Variants in SDK2 observed in about 807,000 individuals in gnomAD.
The protein encoded by SDK2 is protein sidekick-2.
Under a neutral mutation model 253.9 loss-of-function variants are expected in SDK2, and 105 were observed. The observed-to-expected ratio is 0.41, with a 90% confidence interval of 0.35 to 0.49. SDK2 has a LOEUF of 0.49. SDK2 is among the 20% of genes least tolerant of loss of function. SDK2 has a pLI of 0.06. For missense variants in SDK2, 2,608 were observed against 3,003.0 expected, an observed-to-expected ratio of 0.87 and a Z score of 3.07; for synonymous variants, 1,249 against 1,234.9, an observed-to-expected ratio of 1.01 and a Z score of -0.24.
intron 29 of SDK2, among the ~76,000 whole-genome samples, chr17:73,388,285 G>A (rs1415176522): frequency 1.3e-5 from 2 of 152,178 alleles, no homozygotes; most frequent in Admixed American, 6.5e-5. Flanking sequence ...GCTCCTCAGG[G>A]CAGCCCTAAG....
In SDK2 at chr17:73,435,566, C is replaced by T. The variant is rs755429079; in HGVS notation, c.1079G>A (p.Arg360His). Reference sequence around the variant, plus strand: ...GCTGATCTGCAGGCCCCCGTCGTTGCGCTGCCGGAAGCGGGTCAACTTCTC... The same window carrying T: ...GCTGATCTGCAGGCCCCCGTCGTTGTGCTGCCGGAAGCGGGTCAACTTCTC... Reference protein sequence around the residue: ...EVEKLTRFRQRNDGGLQISGL... With the variant: ...EVEKLTRFRQHNDGGLQISGL... The change falls in exon 9 of 45, where the codon CGC (arginine) becomes CAC (histidine). Residue 360 changes from arginine (R) to histidine (H), a missense_variant. Transcript: ENST00000392650. This position sits in a 1 kb window ranked among gnomAD's most constrained non-coding sequence, Gnocchi z 5.7. 26 of 1,587,506 alleles carry T rather than the reference C, an allele frequency of 1.6e-5. No individual in the cohort carries two copies. The highest frequency in any genetic ancestry group is 1.7e-4 in the Middle Eastern group (1 of 6,034).
At chr17:73,397,812 G>C (rs1230419196) in intron 24 of SDK2, among the ~76,000 whole-genome samples, 2 of 152,230 alleles carry the variant, frequency 1.3e-5, no homozygotes, top group African/African-American at 4.8e-5. Flanking sequence ...TAAAATGCTT[G>C]CCACTTGGCG....
intron 1 of SDK2, among the ~76,000 whole-genome samples, chr17:73,593,566 G>A (rs2045714066): frequency 6.6e-6 from 1 of 152,144 alleles, no homozygotes; most frequent in Admixed American, 6.5e-5. Flanking sequence ...AGCTTGGAAG[G>A]GCCAGAGCCC....
chr17:73,401,232 G>A (rs202096993), intron 20 of SDK2, 21 bp from the exon 21 acceptor site: 1 of 1,531,074 alleles, frequency 6.5e-7, no homozygotes, highest in African/African-American at 1.4e-5. Flanking sequence ...CCGCCGTGTT[G>A]GCATGAGCTT....
chr17:73,395,198 G>C lies in SDK2; in HGVS notation c.3549C>G (p.Ser1183Arg). ...CCACCACCGTCTGGCTCCAGGGCCC[G>C]CTCCCGATGGCGTTGAAGGCCTGGA... ...VQVQAFNAIG[S>R]GPWSQTVVGR... Residue 1183 changes from serine to arginine, a missense_variant, in exon 25 of 45, where the codon AGC becomes AGG. This residue lies in a region of SDK2 where 1,505 missense variants were observed against 1,859.1 expected (regional missense o/e 0.81). Coordinates refer to ENST00000392650, the MANE Select transcript of SDK2 (RefSeq NM_001144952.2). This position sits in a 1 kb window ranked among gnomAD's most constrained non-coding sequence, Gnocchi z 4.3. 3 of 1,609,152 alleles carry C rather than the reference G, an allele frequency of 1.9e-6. No individual in the cohort carries two copies. In the East Asian group the frequency reaches 6.7e-5, roughly 36 times the overall value.
At position 73,541,996 on chromosome 17, in the gene SDK2, T is replaced by G. The variant is rs1057392498; in HGVS notation, c.65-34399A>C. ...GTCAATGGCATCTCTTTTACAGGAG[T>G]GTCGCGACAAGGATTAAATAAAACA... On this transcript the variant is annotated intron_variant, in intron 1 of 44. Transcript: ENST00000392650. The surrounding 1 kb of genome is among the most constrained non-coding windows in gnomAD (Gnocchi z 4.3). Among the ~76,000 whole-genome samples, 1 of 152,084 alleles carries G rather than the reference T, an allele frequency of 6.6e-6. No individual in the cohort carries two copies. Among genetic ancestry groups the G allele is most frequent in the African/African-American group, 2.4e-5 (1 of 41,404 alleles).
At chr17:73,515,189 A>G (rs1436542724) in intron 1 of SDK2, among the ~76,000 whole-genome samples, 6 of 152,212 alleles carry the variant, frequency 3.9e-5, no homozygotes, top group Non-Finnish European at 5.9e-5. Flanking sequence ...TCTGCCACAT[A>G]GACATAAGCC....
At chr17:73,504,919 C>T (rs1011661507) in intron 2 of SDK2, among the ~76,000 whole-genome samples, 7 of 152,048 alleles carry the variant, frequency 4.6e-5, no homozygotes, top group African/African-American at 9.7e-5. Flanking sequence ...GACCTTGCCT[C>T]AGGGGCACAG....
intron 2 of SDK2, among the ~76,000 whole-genome samples, chr17:73,474,563 C>A (rs150435734): frequency 6.6e-6 from 1 of 152,212 alleles, no homozygotes; most frequent in South Asian, 2.1e-4. Context: ...TCTCTGCCAC[C>A]GGCTGCAGCT....
chr17:73,406,125 T>C (rs927791809), intron 18 of SDK2, among the ~76,000 whole-genome samples: 6 of 152,160 alleles, frequency 3.9e-5, no homozygotes, highest in Non-Finnish European at 8.8e-5. Flanking sequence ...GGGGGAATAA[T>C]GACAAAAAAC....
At position 73,535,706 on chromosome 17, in the gene SDK2, C is replaced by T. The variant is rs117367474; in HGVS notation, c.65-28109G>A. Among the ~76,000 whole-genome samples, 1,444 of 152,294 alleles carry T rather than the reference C, an allele frequency of 9.5e-3. 5 individuals carry two copies. The highest frequency in any genetic ancestry group is 0.016 in the Non-Finnish European group (1,085 of 68,010). On this transcript the variant is annotated intron_variant, in intron 1 of 44. Transcript: ENST00000392650. ...TGGGAAGAGAGGCACACAGTGAGCA[C>T]CGGCTCTGGCACACCATTGCCTGCC...
chr17:73,401,645 A>G lies in SDK2; in HGVS notation c.2779+9T>C. 1 of 1,577,404 alleles carries G rather than the reference A, an allele frequency of 6.3e-7. No homozygotes were observed. Among genetic ancestry groups the G allele is most frequent in the East Asian group, 2.3e-5 (1 of 43,732 alleles). On this transcript the variant is annotated intron_variant, in intron 20 of 44. Coordinates refer to ENST00000392650, the MANE Select transcript of SDK2 (RefSeq NM_001144952.2). ...CTGCCCTCTGGTTCAGAAACACTGC[A>G]GTGCCTACCTGTGAGGATGCCATTT...
Position 73,385,888 on chromosome 17 carries a change from C to T in SDK2, c.4528G>A (p.Val1510Met), listed in dbSNP as rs533638289. Residue 1510 changes from valine (V) to methionine (M), a missense_variant, in exon 32 of 45, where the codon GTG becomes ATG. Physicochemically the swap from Val to Met is conservative, Grantham distance 21 (BLOSUM62 1). This residue lies in a region of SDK2 where 1,103 missense variants were observed against 1,143.9 expected (regional missense o/e 0.96). Transcript: ENST00000392650. ...APDEAPTILS[V>M]TPHTTTSVLI... The stretch of plus-strand genomic sequence containing the variant: ...ACGGAGGTGGTGGTGTGGGGCGTCA[C>T]GGAGAGGATGGTGGGTGCTTCATCG... The T allele has an allele frequency of 1.5e-4, 249 of 1,608,710 alleles. 4 individuals carry two copies. In the South Asian group the frequency reaches 1.7e-3, roughly 11 times the overall value.
chr17:73,495,646 T>TGTG (rs879848701), intron 2 of SDK2, among the ~76,000 whole-genome samples: 11,224 of 119,620 alleles, frequency 0.094, 450 homozygotes, highest in Non-Finnish European at 0.11. Flanking sequence ...GTGTGTGTGT[T>TGTG]TGTTTGTGTA....
chr17:73,341,852 C>T (rs958465897), intron 44 of SDK2, among the ~76,000 whole-genome samples: 1 of 152,206 alleles, frequency 6.6e-6, no homozygotes, highest in Admixed American at 6.5e-5. Context: ...ACATGCATAA[C>T]TGTATTTAGT....
intron 2 of SDK2, 137 bp from the exon 3 acceptor site, chr17:73,472,355 G>T: frequency 1.6e-6 from 1 of 630,040 alleles, no homozygotes; most frequent in East Asian, 2.8e-5. Flanking sequence ...TGACTCTCTA[G>T]CCATGTCATA....
At chr17:73,359,624 C>T (rs1027929033) in intron 39 of SDK2, among the ~76,000 whole-genome samples, 3 of 152,170 alleles carry the variant, frequency 2.0e-5, no homozygotes, top group African/African-American at 7.2e-5. Context: ...CCCCCTGCAC[C>T]CACACCATGT....
At chr17:73,526,940 C>G (rs138732590) in intron 1 of SDK2, among the ~76,000 whole-genome samples, 22 of 152,364 alleles carry the variant, frequency 1.4e-4, no homozygotes, top group African/African-American at 5.0e-4. Flanking sequence ...TCAGTGAACA[C>G]CAGTTATAGG....
intron 1 of SDK2, among the ~76,000 whole-genome samples, chr17:73,575,457 C>T (rs2045445186): frequency 1.3e-5 from 2 of 152,200 alleles, no homozygotes; most frequent in Admixed American, 1.3e-4. Flanking sequence ...TGAAAAGTGG[C>T]ATAGCAATGT....
Sources: gnomAD v4.1 joint callset for allele counts (sites outside exome capture counted in the v4.1 genomes callset) on GRCh38, gnomAD v4.1.1 for gene constraint, gnomAD v4.1.1 regional missense constraint, Gnocchi (gnomAD v3.1) non-coding constraint, MANE v1.5 for transcripts, NCBI Gene and HGNC (gene_info 2026-07-23, HGNC 2026-07-21) for gene names.